AGAP1: variants seen among roughly 807,000 people sequenced by gnomAD.
AGAP1 encodes ArfGAP with GTPase domain, ankyrin repeat and PH domain 1, also known as arf-GAP with GTPase, ANK repeat and PH domain-containing protein 1.
AGAP1 carries 29 observed loss-of-function variants against 105.3 expected under a neutral mutation model. The ratio of observed to expected loss-of-function variants is 0.28; its 90% CI spans 0.21 to 0.38. The LOEUF (loss-of-function observed/expected upper bound fraction) is 0.38. Among genes scored for constraint, AGAP1 ranks in the 10% least tolerant of loss-of-function variants. The probability of loss-of-function intolerance (pLI) is 1.00; values close to 1 mark genes in which losing one functional copy is unlikely to be tolerated. For missense variants in AGAP1, 998 were observed against 1,165.1 expected (o/e 0.86, Z 2.09); for synonymous variants, 509 against 485.9 (o/e 1.05, Z -0.63).
chr2:236,015,215 T>C (rs953749481), intron 13 of AGAP1, among the ~76,000 whole-genome samples: 5 of 152,246 alleles, frequency 3.3e-5, no homozygotes, highest in Non-Finnish European at 5.9e-5. Context: ...TCCCAAGTTA[T>C]TACAGTTTTT....
intron 1 of AGAP1, among the ~76,000 whole-genome samples, chr2:235,604,418 G>A (rs1312869470): frequency 1.3e-5 from 2 of 151,256 alleles, no homozygotes; most frequent in African/African-American, 4.9e-5. Context: ...GGAGGTTGAG[G>A]CTGTAGAAAA....
At position 235,799,278 on chromosome 2, in the gene AGAP1, G is replaced by A; in HGVS notation, c.802-89G>A. ...CATGCATCCCTTCCATGGGGCTCATGCTCACTTGTTGGTTATGACCTTGCC... is the reference window on the plus strand; with the variant it reads ...CATGCATCCCTTCCATGGGGCTCATACTCACTTGTTGGTTATGACCTTGCC... On this transcript the variant is annotated intron_variant, in intron 7 of 17. Coordinates refer to ENST00000304032, the MANE Select transcript of AGAP1 (RefSeq NM_001037131.3). This position sits in a 1 kb window ranked among gnomAD's most constrained non-coding sequence, Gnocchi z 5.0. 2.1e-6 allele frequency: 3 copies of A among 1,462,224 alleles called. No homozygotes were observed. The highest frequency in any genetic ancestry group is 2.3e-5 in the East Asian group (1 of 43,926). 90.6% of individuals were successfully genotyped at this position (1,462,224 alleles called of 1,614,324 possible). A position where few individuals can be genotyped will look rare whatever the true frequency, so the allele number is the denominator to read the frequency against.
At chr2:235,650,437 A>C (rs1005633807) in intron 1 of AGAP1, among the ~76,000 whole-genome samples, 2 of 152,110 alleles carry the variant, frequency 1.3e-5, no homozygotes, top group Admixed American at 6.5e-5. Context: ...CCACCTAGAC[A>C]TCCATGTCTT....
chr2:235,782,159 C>T (rs531664110), intron 6 of AGAP1, among the ~76,000 whole-genome samples: 3 of 152,222 alleles, frequency 2.0e-5, no homozygotes, highest in African/African-American at 7.2e-5. Flanking sequence ...CGCAGGGCAC[C>T]AAGAGCATGG....
At chr2:235,890,733 C>T (rs532988262) in intron 10 of AGAP1, among the ~76,000 whole-genome samples, 13 of 152,200 alleles carry the variant, frequency 8.5e-5, no homozygotes, top group Admixed American at 5.2e-4. Context: ...GGAAGGTGTC[C>T]GTTTTAGAAA....
At chr2:235,743,018 T>C (rs1952680316) in intron 4 of AGAP1, among the ~76,000 whole-genome samples, 1 of 152,072 alleles carries the variant, frequency 6.6e-6, no homozygotes, top group African/African-American at 2.4e-5. Flanking sequence ...AATACAAAAA[T>C]TAGCCAGGCG....
chr2:235,644,847 C>T (rs1413750844), intron 1 of AGAP1, among the ~76,000 whole-genome samples: 1 of 151,724 alleles, frequency 6.6e-6, no homozygotes, highest in Non-Finnish European at 1.5e-5. Context: ...GGATGACTTG[C>T]GTAGATTGCA....
chr2:235,742,354 A>T (rs949956486), intron 4 of AGAP1, among the ~76,000 whole-genome samples: 7 of 152,202 alleles, frequency 4.6e-5, no homozygotes, highest in African/African-American at 1.7e-4. Context: ...CGAAAGAAGG[A>T]TGCTGCCAAT....
chr2:235,781,756 C>T (rs897275316), intron 6 of AGAP1, among the ~76,000 whole-genome samples: 1 of 152,082 alleles, frequency 6.6e-6, no homozygotes, highest in Non-Finnish European at 1.5e-5. Flanking sequence ...TTGAAAAATA[C>T]CCAAATAGCA....
chr2:235,809,876 G>T (rs576440741), intron 9 of AGAP1, among the ~76,000 whole-genome samples: 1 of 152,130 alleles, frequency 6.6e-6, no homozygotes, highest in Non-Finnish European at 1.5e-5. Flanking sequence ...TTAAATGAGT[G>T]CTTATTATGT....
rs74856650 is a variant in AGAP1, at chr2:235,557,893, C to T, written c.163+63044C>T. 0.024 allele frequency among the ~76,000 whole-genome samples: 3,707 copies of T among 152,326 alleles called. 67 individuals carry two copies. Among genetic ancestry groups the T allele is most frequent in the Middle Eastern group, 0.088 (26 of 294 alleles). On this transcript the variant is annotated intron_variant, in intron 1 of 17. Coordinates refer to ENST00000304032, the MANE Select transcript of AGAP1 (RefSeq NM_001037131.3). This position sits in a 1 kb window ranked among gnomAD's most constrained non-coding sequence, Gnocchi z 4.7. Reference sequence around the variant, plus strand: ...ATGACATTTGAGGAACCTATTGGTGCTTTCTTGAGCCCTGCGCCATGTGAG... The same window carrying T: ...ATGACATTTGAGGAACCTATTGGTGTTTTCTTGAGCCCTGCGCCATGTGAG...
At chr2:235,591,437 C>T (rs1317236017) in intron 1 of AGAP1, among the ~76,000 whole-genome samples, 1 of 152,180 alleles carries the variant, frequency 6.6e-6, no homozygotes, top group Non-Finnish European at 1.5e-5. Context: ...GCAGAATGCA[C>T]AACAAAGGCG....
rs2058225785 is a variant in AGAP1, at chr2:236,062,436, T to TTTTTTGTTGTTGTTGTTGTTG, written c.2114+13157_2114+13158insTTTGTTGTTGTTGTTGTTGTT. 6.6e-6 allele frequency among the ~76,000 whole-genome samples: 1 copy of TTTTTTGTTGTTGTTGTTGTTG among 150,906 alleles called. No individual in the cohort carries two copies. The highest frequency in any genetic ancestry group is 2.4e-5 in the African/African-American group (1 of 40,824). ...CTAGGAGCATACTCAGGACTCGTAT[T>TTTTTTGTTGTTGTTGTTGTTG]TTGTTGTTGTTGTTGTTGTTGTTGT... On this transcript the variant is annotated intron_variant, in intron 16 of 17. Coordinates refer to ENST00000304032, the MANE Select transcript of AGAP1 (RefSeq NM_001037131.3). This position sits in a 1 kb window ranked among gnomAD's most constrained non-coding sequence, Gnocchi z 4.2.
intron 13 of AGAP1, among the ~76,000 whole-genome samples, chr2:235,996,664 C>A (rs1530940): frequency 0.34 from 51,104 of 152,098 alleles, 8,884 homozygotes; most frequent in South Asian, 0.43. Context: ...AGGAGAGAGG[C>A]TGGAGCACAG....
rs2057442345 is a variant in AGAP1 at position 236,038,304 on chromosome 2, C to T, written c.1800+1589C>T. Among the ~76,000 whole-genome samples, 3 of 152,158 alleles carry T rather than the reference C, an allele frequency of 2.0e-5. No individual in the cohort carries two copies. The South Asian group carries it at 6.2e-4, about 32-fold the overall frequency. ...AAGGCAGGGAGGCAGGCTGTGTTAC[C>T]GAACAGAGAGGCACAGGTTCCTGCC... is the stretch of plus-strand genomic sequence containing the variant. On this transcript the variant is annotated intron_variant, in intron 14 of 17. Transcript: ENST00000304032. The surrounding 1 kb of genome is among the most constrained non-coding windows in gnomAD (Gnocchi z 4.5).
chr2:235,727,073 AAAGACTCT>A (rs1170978476), intron 3 of AGAP1, among the ~76,000 whole-genome samples: 1 of 152,210 alleles, frequency 6.6e-6, no homozygotes, highest in Non-Finnish European at 1.5e-5. Context: ...AGCTACAGCA[AAAGACTCT>A]AAGTCAGTTC....
At chr2:236,070,471 G>A (rs755762412) in intron 16 of AGAP1, among the ~76,000 whole-genome samples, 3 of 152,292 alleles carry the variant, frequency 2.0e-5, no homozygotes, top group South Asian at 2.1e-4. Context: ...TGAAACCTGC[G>A]TTCACACAGA....
At position 235,723,489 on chromosome 2, in the gene AGAP1, T is replaced by G. The variant is rs974068325; in HGVS notation, c.310+5845T>G. Among the ~76,000 whole-genome samples the G allele has an allele frequency of 6.6e-6, 1 of 152,204 alleles. No individual in the cohort carries two copies. Among genetic ancestry groups the G allele is most frequent in the African/African-American group, 2.4e-5 (1 of 41,470 alleles). On this transcript the variant is annotated intron_variant, in intron 3 of 17. Coordinates refer to ENST00000304032, the MANE Select transcript of AGAP1 (RefSeq NM_001037131.3). The surrounding 1 kb of genome is among the most constrained non-coding windows in gnomAD (Gnocchi z 6.2). Reference sequence around the variant, plus strand: ...AGGTGGGGAGAGTGTGGCGTCCTCCTGAGATCTTTTCAGGTTGCAGAACTG... The same window carrying G: ...AGGTGGGGAGAGTGTGGCGTCCTCCGGAGATCTTTTCAGGTTGCAGAACTG...
At position 235,660,561 on chromosome 2, in the gene AGAP1, A is replaced by T. The variant is rs978055663; in HGVS notation, c.164-48618A>T. Among the ~76,000 whole-genome samples, 1 of 152,062 alleles carries T rather than the reference A, an allele frequency of 6.6e-6. No individual in the cohort carries two copies. The highest frequency in any genetic ancestry group is 2.4e-5 in the African/African-American group (1 of 41,388). On this transcript the variant is annotated intron_variant, in intron 1 of 17. Coordinates refer to ENST00000304032, the MANE Select transcript of AGAP1 (RefSeq NM_001037131.3). This position sits in a 1 kb window ranked among gnomAD's most constrained non-coding sequence, Gnocchi z 5.3. ...GTGTGCCCAGGTATGAGGGGAGAAG[A>T]AGGGGTCAGGGCCAGCAGGGAAAGA...
Sources: allele counts gnomAD v4.1 joint callset (sites outside exome capture counted in the v4.1 genomes callset), GRCh38; gene constraint gnomAD v4.1.1; non-coding constraint Gnocchi (gnomAD v3.1); transcripts MANE v1.5; gene names NCBI Gene and HGNC (gene_info 2026-07-23, HGNC 2026-07-21).